Variants in AHCTF1 observed in about 807,000 individuals in gnomAD.
AHCTF1 encodes the protein protein ELYS.
Under a neutral mutation model 248.4 loss-of-function variants are expected in AHCTF1, and 24 were observed. The ratio of observed to expected loss-of-function variants is 0.10; its 90% CI spans 0.07 to 0.14. The LOEUF is 0.14. Among genes scored for constraint, AHCTF1 ranks in the 10% least tolerant of loss-of-function variants. The pLI, the probability that AHCTF1 is intolerant of heterozygous loss-of-function variation, is 1.00. For missense variants in AHCTF1, 2,206 were observed against 2,636.2 expected (o/e 0.84, Z 3.57); for synonymous variants, 786 against 929.8 (o/e 0.85, Z 2.81).
intron 20 of AHCTF1, 85 bp from the exon 21 acceptor site, chr1:246,885,765 A>G: frequency 8.0e-7 from 1 of 1,250,478 alleles, no homozygotes; most frequent in Non-Finnish European, 1.1e-6. Flanking sequence ...AAAAACCACA[A>G]AAATCCAGAT....
At chr1:246,919,417 T>C (rs1666363782) in intron 1 of AHCTF1, among the ~76,000 whole-genome samples, 2 of 152,162 alleles carry the variant, frequency 1.3e-5, no homozygotes, top group South Asian at 2.1e-4. Flanking sequence ...CTAGGTTATA[T>C]GGAAATCCTC....
intron 24 of AHCTF1, among the ~76,000 whole-genome samples, chr1:246,871,113 A>T (rs959163874): frequency 6.6e-6 from 1 of 152,176 alleles, no homozygotes; most frequent in Non-Finnish European, 1.5e-5. Context: ...TAGGACCACT[A>T]AAAAAGGTGG....
intron 1 of AHCTF1, among the ~76,000 whole-genome samples, chr1:246,919,040 A>C (rs1666341372): frequency 6.6e-6 from 1 of 152,208 alleles, no homozygotes; most frequent in Non-Finnish European, 1.5e-5. Context: ...GTTGTCTTTC[A>C]TTTAGAAGAT....
At chr1:246,899,629 A>T in intron 10 of AHCTF1, 117 bp from the exon 11 acceptor site, 1 of 656,188 alleles carries the variant, frequency 1.5e-6, no homozygotes, top group Non-Finnish European at 2.5e-6. Flanking sequence ...CATGTAATAA[A>T]TCTTTAAATA....
Position 246,888,218 on chromosome 1 carries a change from A to G in AHCTF1, c.2284T>C (p.Tyr762His). ...PASLHAVLDM[Y>H]LLDGVTEAAK... is the part of the protein sequence containing the mutation. ...GCTTCAGTAACGCCGTCTAATAGGTACATATCAAGTACTGCCTATAAAACA... is the reference window on the plus strand; with the variant it reads ...GCTTCAGTAACGCCGTCTAATAGGTGCATATCAAGTACTGCCTATAAAACA... The change falls in exon 19 of 36, where the codon TAC becomes CAC. Residue 762 changes from tyrosine (Y) to histidine (H), a missense_variant. By Grantham distance (83) the Tyr-to-His change is moderately conservative (BLOSUM62 2). Coordinates refer to ENST00000648844, the MANE Select transcript of AHCTF1 (RefSeq NM_001323342.2). 1 of 1,614,116 alleles carries G rather than the reference A, an allele frequency of 6.2e-7. No individual in the cohort carries two copies. The highest frequency in any genetic ancestry group is 2.2e-5 in the East Asian group (1 of 44,872).
intron 24 of AHCTF1, among the ~76,000 whole-genome samples, chr1:246,868,891 T>C (rs78465670): frequency 0.022 from 3,213 of 148,506 alleles, 79 homozygotes; most frequent in East Asian, 0.1. Context: ...GTCACCCAGG[T>C]TGGAGTGCAG....
At chr1:246,845,685 T>C (rs972284402) in intron 33 of AHCTF1, among the ~76,000 whole-genome samples, 14 of 152,232 alleles carry the variant, frequency 9.2e-5, no homozygotes, top group African/African-American at 2.7e-4. Flanking sequence ...GCTTCTATTA[T>C]AGCACAGATG....
rs1011715569 is a variant in AHCTF1, at chr1:246,858,812, A to AT, written c.4133-999_4133-998insA. On this transcript the variant is annotated intron_variant, in intron 29 of 35. Coordinates refer to ENST00000648844, the MANE Select transcript of AHCTF1 (RefSeq NM_001323342.2). ...GAAACTCTGTCTCAAAAAAAAAAAA[A>AT]AATAAATACAAATTTCTATTTGAGA... is the stretch of plus-strand genomic sequence containing the variant. 9.2e-5 allele frequency among the ~76,000 whole-genome samples: 14 copies of AT among 151,488 alleles called. 1 individual carries two copies. The highest frequency in any genetic ancestry group is 1.3e-4 in the Admixed American group (2 of 15,224).
chr1:246,927,552 A>C (rs992777753), intron 1 of AHCTF1, among the ~76,000 whole-genome samples: 2 of 152,250 alleles, frequency 1.3e-5, no homozygotes, highest in African/African-American at 4.8e-5. Context: ...ACAAACACAC[A>C]TGAAACACCT....
intron 20 of AHCTF1, among the ~76,000 whole-genome samples, chr1:246,886,286 G>A (rs1330455478): frequency 6.6e-6 from 1 of 152,032 alleles, no homozygotes; most frequent in Non-Finnish European, 1.5e-5. Flanking sequence ...AGACAAGATC[G>A]TGCCACTGCA....
Position 246,849,831 on chromosome 1 carries a change from G to C in AHCTF1, c.6175C>G (p.Arg2059Gly). 1 of 1,613,970 alleles carries C rather than the reference G, an allele frequency of 6.2e-7. No homozygotes were observed. Among genetic ancestry groups the C allele is most frequent in the Non-Finnish European group, 8.5e-7 (1 of 1,179,858 alleles). ...TKKTESQSQK[R>G]SLHSVSEERT... Reference sequence around the variant, plus strand: ...TCTTCTGATACTGAGTGCAATGAACGTTTTTGGCTTTGACTTTCAGTCTTT... The same window carrying C: ...TCTTCTGATACTGAGTGCAATGAACCTTTTTGGCTTTGACTTTCAGTCTTT... The change falls in exon 33 of 36, where the codon CGT becomes GGT. Residue 2059 changes from arginine (R) to glycine (G), a missense_variant. Arg to Gly is a moderately radical substitution (Grantham distance 125). Around this residue, in one of 6 missense-constraint regions of AHCTF1, gnomAD observed 469 missense variants for 470.0 expected, o/e 1.00. Coordinates refer to ENST00000648844, the MANE Select transcript of AHCTF1 (RefSeq NM_001323342.2).
intron 35 of AHCTF1, 139 bp from the exon 36 acceptor site, chr1:246,841,137 C>A: frequency 1.4e-6 from 1 of 691,142 alleles, no homozygotes; most frequent in South Asian, 2.5e-5. Context: ...TTCAAGGGAA[C>A]TGAAGTGAAG....
At chr1:246,859,743 T>C (rs1661388325) in intron 29 of AHCTF1, among the ~76,000 whole-genome samples, 1 of 151,944 alleles carries the variant, frequency 6.6e-6, no homozygotes, top group Non-Finnish European at 1.5e-5. Context: ...GCCCAGCTAA[T>C]TTTTTTATAT....
chr1:246,881,153 A>G (rs1400371332), intron 21 of AHCTF1, among the ~76,000 whole-genome samples: 1 of 152,244 alleles, frequency 6.6e-6, no homozygotes, highest in Admixed American at 6.5e-5. Context: ...GGGGAAATAT[A>G]CATACAGAAT....
rs1439701475 is a variant in AHCTF1, at chr1:246,839,465, T to A, written c.*1341A>T. The A allele has an allele frequency of 1.1e-6, 1 of 878,054 alleles. No homozygotes were observed. Among genetic ancestry groups the A allele is most frequent in the Non-Finnish European group, 1.4e-6 (1 of 732,278 alleles). The allele number at this position is 878,054 out of a possible 1,614,324, so 54.4% of individuals were successfully genotyped here. A position where few individuals can be genotyped will look rare whatever the true frequency, so the allele number is the denominator to read the frequency against. ...TTAAATACAAGTTTGATAACTATCA[T>A]TAAAAAAGTAATAAAATCAAAGTCA... On this transcript the variant is annotated 3_prime_UTR_variant, in exon 36 of 36. Coordinates refer to ENST00000648844, the MANE Select transcript of AHCTF1 (RefSeq NM_001323342.2).
intron 24 of AHCTF1, among the ~76,000 whole-genome samples, chr1:246,874,080 T>G (rs1344142792): frequency 6.6e-6 from 1 of 152,090 alleles, no homozygotes; most frequent in African/African-American, 2.4e-5. Flanking sequence ...ATTTTATTAT[T>G]AAAAATATTT....
chr1:246,862,812 T>A (rs1054309643), intron 27 of AHCTF1, among the ~76,000 whole-genome samples: 2 of 152,206 alleles, frequency 1.3e-5, no homozygotes, highest in African/African-American at 4.8e-5. Flanking sequence ...AAAAATTTCG[T>A]CACACGAATC....
In AHCTF1 at chr1:246,913,310, T is replaced by C. The variant is rs999889495; in HGVS notation, c.478A>G (p.Thr160Ala). 2 of 1,614,026 alleles carry C rather than the reference T, an allele frequency of 1.2e-6. No individual in the cohort carries two copies. The highest frequency in any genetic ancestry group is 1.7e-6 in the Non-Finnish European group (2 of 1,179,920). ...ACAAGAAGGATCTGTCCAACATCAG[T>C]GACCACAGCTGCCACTCCAAAAAGC... The part of the protein sequence containing the change: ...RWLFGVAAVV[T>A]DVGQILLVDL... The change falls in exon 4 of 36, where the codon ACT becomes GCT. Residue 160 changes from threonine (T) to alanine (A), a missense_variant. Transcript: ENST00000648844.
At chr1:246,904,192 T>A (rs1393810001) in intron 6 of AHCTF1, among the ~76,000 whole-genome samples, 159 bp from the exon 7 acceptor site, 1 of 71,600 alleles carries the variant, frequency 1.4e-5, no homozygotes, top group Non-Finnish European at 2.6e-5. Context: ...AAAAATGTAG[T>A]CCTTTGAAAT....
Sources: allele counts gnomAD v4.1 joint callset (sites outside exome capture counted in the v4.1 genomes callset), GRCh38; gene constraint gnomAD v4.1.1; regional missense constraint gnomAD v4.1.1; transcripts MANE v1.5; gene names NCBI Gene and HGNC (gene_info 2026-07-23, HGNC 2026-07-21).